Variants in PCDHGA3 observed in about 807,000 individuals in gnomAD.
PCDHGA3 encodes the protein protocadherin gamma-A3.
Under a neutral mutation model 58.5 loss-of-function variants are expected in PCDHGA3, and 40 were observed. The ratio of observed to expected loss-of-function variants is 0.68; its 90% CI spans 0.53 to 0.89. PCDHGA3 has a LOEUF of 0.89. Among genes scored for constraint, PCDHGA3 ranks in the 40% least tolerant of loss-of-function variants. The pLI is 0.00. For synonymous variants in PCDHGA3, 530 were observed against 525.7 expected, an observed-to-expected ratio of 1.01 and a Z score of -0.11; for missense variants, 1,223 against 1,195.9, an observed-to-expected ratio of 1.02 and a Z score of -0.33.
intron 1 of PCDHGA3, chr5:141,357,812 C>T (rs1027882295): frequency 1.1e-5 from 8 of 753,406 alleles, no homozygotes; most frequent in African/African-American, 1.8e-5. Context: ...TTGTTTATTA[C>T]TTATCCTTTT....
chr5:141,422,304 A>C (rs1265775894), intron 1 of PCDHGA3: 2 of 1,548,406 alleles, frequency 1.3e-6, no homozygotes. Context: ...CAATTCTGGA[A>C]AACTCTCCTC....
intron 1 of PCDHGA3, chr5:141,355,820 T>G (rs2149787914): frequency 6.2e-7 from 1 of 1,612,978 alleles, no homozygotes. Context: ...GAAGAGGCGG[T>G]TCACCACCTC....
At position 141,345,010 on chromosome 5, in the gene PCDHGA3, GT is replaced by G. The variant is rs1757504465; in HGVS notation, c.978del (p.Leu327PhefsTer8). 1 of 1,613,854 alleles carries G rather than the reference GT, an allele frequency of 6.2e-7. No homozygotes were observed. The highest frequency in any genetic ancestry group is 8.5e-7 in the Non-Finnish European group (1 of 1,179,888). On this transcript the variant is annotated frameshift_variant, in exon 1 of 4. Coordinates refer to ENST00000253812, the MANE Select transcript of PCDHGA3 (RefSeq NM_018916.4). LOFTEE classifies it high-confidence loss of function. ...EIKIEAQDGP[G>X]LLSRAKILVT... ...AAAATTGAAGCACAGGATGGACCAGGTCTTCTTTCAAGAGCCAAGATTCTAG... is the reference window on the plus strand; with the variant it reads ...AAAATTGAAGCACAGGATGGACCAGGCTTCTTTCAAGAGCCAAGATTCTAG...
At position 141,432,942 on chromosome 5, in the gene PCDHGA3, C is replaced by G. The variant is rs1346694514; in HGVS notation, c.2425-61865C>G. ...CACAAGTCACGCCTGCTGCAGGCTT[C>G]AGGAGGCGGCTTGACAGGAGCGCCG... On this transcript the variant is annotated intron_variant, in intron 1 of 3. Coordinates refer to ENST00000253812, the MANE Select transcript of PCDHGA3 (RefSeq NM_018916.4). The surrounding 1 kb of genome is among the most constrained non-coding windows in gnomAD (Gnocchi z 6.0). The G allele has an allele frequency of 1.2e-6, 2 of 1,614,190 alleles. No individual in the cohort carries two copies. Among genetic ancestry groups the G allele is most frequent in the Non-Finnish European group, 1.7e-6 (2 of 1,180,036 alleles).
intron 1 of PCDHGA3, chr5:141,403,041 A>T: frequency 6.2e-7 from 1 of 1,614,084 alleles, no homozygotes; most frequent in Non-Finnish European, 8.5e-7. Flanking sequence ...AGGGCCAGTC[A>T]GATTCGCTAC....
At chr5:141,483,706 C>T (rs1187078630) in intron 1 of PCDHGA3, among the ~76,000 whole-genome samples, 1 of 151,926 alleles carries the variant, frequency 6.6e-6, no homozygotes, top group African/African-American at 2.4e-5. Context: ...CTTTTTGACA[C>T]CAGAATATTG....
chr5:141,458,421 G>T (rs1294502132), intron 1 of PCDHGA3, among the ~76,000 whole-genome samples: 1 of 152,114 alleles, frequency 6.6e-6, no homozygotes, highest in African/African-American at 2.4e-5. Context: ...GGGTTCCAAA[G>T]CTGAAAGAGG....
chr5:141,352,591 G>A, intron 1 of PCDHGA3: 2 of 1,613,590 alleles, frequency 1.2e-6, no homozygotes, highest in Non-Finnish European at 1.7e-6. Context: ...AGGATCTGCT[G>A]TGTGATGATC....
chr5:141,354,886 C>G (rs1759661341), intron 1 of PCDHGA3: 1 of 380,350 alleles, frequency 2.6e-6, no homozygotes, highest in Non-Finnish European at 4.6e-6. Flanking sequence ...ACTTTATTAT[C>G]TTGGGAGAAA....
chr5:141,473,699 C>T (rs560096812), intron 1 of PCDHGA3, among the ~76,000 whole-genome samples: 2 of 152,244 alleles, frequency 1.3e-5, no homozygotes, highest in South Asian at 2.1e-4. Flanking sequence ...TGACCACCCT[C>T]CAAGTGGTGC....
rs770178324 is a variant in PCDHGA3 at position 141,345,764 on chromosome 5, G to T, written c.1731G>T (p.Leu577=). The stretch of plus-strand genomic sequence containing the variant: ...CAGACGGTTCCACTGGCGTGGAGCT[G>T]GCGCCTCGCTCCGCAGAGCCCGGCT... ...LPTDGSTGVE[L]APRSAEPGYL... The change falls in exon 1 of 4, where the codon CTG becomes CTT. Residue 577 remains leucine, a synonymous_variant. Transcript: ENST00000253812. 3.7e-6 allele frequency: 6 copies of T among 1,614,190 alleles called. No individual in the cohort carries two copies. The highest frequency in any genetic ancestry group is 5.1e-6 in the Non-Finnish European group (6 of 1,180,044).
intron 1 of PCDHGA3, chr5:141,478,043 A>G (rs1399496347): frequency 7.4e-6 from 12 of 1,613,710 alleles, no homozygotes; most frequent in Non-Finnish European, 1.0e-5. Flanking sequence ...ACCCAGGCAG[A>G]CTCTCACGGT....
rs563283218 is a variant in PCDHGA3, at chr5:141,431,573, G to A, written c.2425-63234G>A. On this transcript the variant is annotated intron_variant, in intron 1 of 3. Coordinates refer to ENST00000253812, the MANE Select transcript of PCDHGA3 (RefSeq NM_018916.4). This position sits in a 1 kb window ranked among gnomAD's most constrained non-coding sequence, Gnocchi z 4.8. ...AGTCAACGCTACCGACCCTGACGAA[G>A]GAGTCAATGCGGAAGTGAGGTATTC... 5.6e-6 allele frequency: 9 copies of A among 1,614,186 alleles called. No homozygotes were observed. The South Asian group carries it at 8.8e-5, about 16-fold the overall frequency.
intron 1 of PCDHGA3, chr5:141,415,979 C>T (rs2095978015): frequency 2.8e-6 from 1 of 351,190 alleles, no homozygotes; most frequent in Middle Eastern, 8.3e-4. Flanking sequence ...TTAAGCAACC[C>T]TCTTGTTCTG....
Position 141,344,118 on chromosome 5 carries a change from GGT to G in PCDHGA3, c.86_87del (p.Gly29AlafsTer8). 1 of 1,613,992 alleles carries G rather than the reference GGT, an allele frequency of 6.2e-7. No homozygotes were observed. Among genetic ancestry groups the G allele is most frequent in the South Asian group, 1.1e-5 (1 of 91,084 alleles). On this transcript the variant is annotated frameshift_variant, in exon 1 of 4. Transcript: ENST00000253812. LOFTEE classifies it high-confidence loss of function. ...LLGTLCETGSGQIRYSVSEEL... is the reference protein window; with the variant it reads ...LLGTLCETGSXQIRYSVSEEL... ...GGGGACGCTGTGCGAAACAGGATCC[GGT>G]CAGATCCGCTACTCGGTGTCTGAGG...
At chr5:141,385,323 G>C (rs1781122610) in intron 1 of PCDHGA3, 1 of 1,607,092 alleles carries the variant, frequency 6.2e-7, no homozygotes, top group Non-Finnish European at 8.5e-7. Flanking sequence ...CAAGTATTCA[G>C]GTGAGCCCAG....
chr5:141,502,179 A>C (rs1403845758), intron 2 of PCDHGA3, among the ~76,000 whole-genome samples: 3 of 152,218 alleles, frequency 2.0e-5, no homozygotes, highest in African/African-American at 7.2e-5. Context: ...GGAATTTAAC[A>C]TTAATACAAT....
At position 141,371,633 on chromosome 5, in the gene PCDHGA3, G is replaced by A. The variant is rs771305412; in HGVS notation, c.2424+25176G>A. 7 of 1,614,040 alleles carry A rather than the reference G, an allele frequency of 4.3e-6. No homozygotes were observed. In the Admixed American group the frequency reaches 1.2e-4, roughly 27 times the overall value. ...TGACAGATGGAGCCCTGGACCGGGAGCAGATCCCAGAATACAATGTGACGA... is the reference window on the plus strand; with the variant it reads ...TGACAGATGGAGCCCTGGACCGGGAACAGATCCCAGAATACAATGTGACGA... On this transcript the variant is annotated intron_variant, in intron 1 of 3. Coordinates refer to ENST00000253812, the MANE Select transcript of PCDHGA3 (RefSeq NM_018916.4).
chr5:141,383,349 T>C lies in PCDHGA3; in HGVS notation c.2424+36892T>C, dbSNP rs781308834. The C allele has an allele frequency of 1.1e-5, 18 of 1,613,856 alleles. No individual in the cohort carries two copies. The African/African-American group carries it at 2.4e-4, about 22-fold the overall frequency. On this transcript the variant is annotated intron_variant, in intron 1 of 3. Transcript: ENST00000253812. The stretch of plus-strand genomic sequence containing the variant: ...TAATGGAGAATACAGCTCCTGGGGT[T>C]CGGTTTCCGTTAAGCGAGGCTGGGG...
Sources: gnomAD v4.1 joint callset for allele counts (sites outside exome capture counted in the v4.1 genomes callset) on GRCh38, gnomAD v4.1.1 for gene constraint, Gnocchi (gnomAD v3.1) non-coding constraint, MANE v1.5 for transcripts, NCBI Gene and HGNC (gene_info 2026-07-23, HGNC 2026-07-21) for gene names.